GALNTL6: variants seen among roughly 807,000 people sequenced by gnomAD.
GALNTL6 encodes the protein polypeptide N-acetylgalactosaminyltransferase like 6, also known as polypeptide N-acetylgalactosaminyltransferase-like 6.
In GALNTL6, 46 loss-of-function variants were observed where a neutral mutation model predicts 73.7. That is an observed-to-expected ratio of 0.62 (90% confidence interval 0.49 to 0.80). GALNTL6 has a LOEUF of 0.80. Ranked by LOEUF, GALNTL6 falls within the 30% of genes least tolerant of loss-of-function variation. GALNTL6 has a pLI of 0.00. For synonymous variants in GALNTL6, 259 were observed against 263.7 expected (o/e 0.98, Z 0.17); for missense variants, 604 against 755.0 (o/e 0.80, Z 2.34).
At chr4:172,237,296 C>T (rs546061318) in intron 3 of GALNTL6, among the ~76,000 whole-genome samples, 1 of 152,290 alleles carries the variant, frequency 6.6e-6, no homozygotes, top group Admixed American at 6.5e-5. Flanking sequence ...TCCAAAATTC[C>T]ACAATGGCTG....
chr4:172,846,275 G>C (rs988991104), intron 7 of GALNTL6, among the ~76,000 whole-genome samples: 2 of 152,068 alleles, frequency 1.3e-5, no homozygotes, highest in African/African-American at 4.8e-5. Flanking sequence ...TAAAACTTTA[G>C]GAGGAACATG....
chr4:172,891,303 G>A (rs138996201), intron 8 of GALNTL6, among the ~76,000 whole-genome samples: 1,901 of 152,140 alleles, frequency 0.012, 16 homozygotes, highest in Middle Eastern at 0.061. Context: ...ATCTGGTATC[G>A]ATTTTTCATT....
intron 2 of GALNTL6, among the ~76,000 whole-genome samples, chr4:171,920,078 T>TA (rs776430473): frequency 6.6e-6 from 1 of 151,858 alleles, no homozygotes; most frequent in Non-Finnish European, 1.5e-5. Flanking sequence ...TATGCAGCCA[T>TA]AAAAAATGAT....
intron 2 of GALNTL6, among the ~76,000 whole-genome samples, chr4:172,053,242 G>C (rs1292037087): frequency 2.0e-5 from 3 of 152,034 alleles, no homozygotes; most frequent in Admixed American, 6.6e-5. Flanking sequence ...TATGTGAAAA[G>C]CTTTTTGAGG....
At chr4:172,238,228 A>T (rs540575838) in intron 3 of GALNTL6, among the ~76,000 whole-genome samples, 17 of 152,298 alleles carry the variant, frequency 1.1e-4, no homozygotes, top group Admixed American at 1.1e-3. Flanking sequence ...CTGCCTATTC[A>T]TGAGCATGGA....
At chr4:171,942,893 T>G (rs1738594136) in intron 2 of GALNTL6, among the ~76,000 whole-genome samples, 1 of 152,214 alleles carries the variant, frequency 6.6e-6, no homozygotes, top group African/African-American at 2.4e-5. Flanking sequence ...GTAATACAAC[T>G]GAGGCTCAAT....
intron 7 of GALNTL6, among the ~76,000 whole-genome samples, chr4:172,815,098 A>C (rs1741525733): frequency 6.6e-6 from 1 of 152,164 alleles, no homozygotes; most frequent in Non-Finnish European, 1.5e-5. Context: ...TGTTCTTCAG[A>C]CTTCTCTGAA....
intron 5 of GALNTL6, among the ~76,000 whole-genome samples, chr4:172,391,193 T>C (rs1364405369): frequency 6.6e-6 from 1 of 152,186 alleles, no homozygotes; most frequent in East Asian, 1.9e-4. Flanking sequence ...TTTCTCACAG[T>C]TCTGCTCTCT....
intron 2 of GALNTL6, among the ~76,000 whole-genome samples, chr4:172,072,736 T>C (rs1731581308): frequency 6.6e-6 from 1 of 152,158 alleles, no homozygotes; most frequent in African/African-American, 2.4e-5. Context: ...TTTCATACTT[T>C]AGCAAATCTC....
intron 2 of GALNTL6, among the ~76,000 whole-genome samples, chr4:172,116,942 A>T (rs547755051): frequency 2.6e-5 from 4 of 152,244 alleles, no homozygotes; most frequent in South Asian, 2.1e-4. Context: ...TTTTTAAAAA[A>T]TTTTCCAGTG....
At chr4:172,634,228 C>G (rs1344669629) in intron 5 of GALNTL6, among the ~76,000 whole-genome samples, 4 of 152,136 alleles carry the variant, frequency 2.6e-5, no homozygotes, top group Non-Finnish European at 5.9e-5. Context: ...AGTGTTTTCT[C>G]TCCAGTCCAT....
intron 2 of GALNTL6, among the ~76,000 whole-genome samples, chr4:171,882,863 T>C (rs1578938024): frequency 6.6e-6 from 1 of 152,312 alleles, no homozygotes; most frequent in East Asian, 1.9e-4. Flanking sequence ...ATGTTTCGGG[T>C]AGTTAGTCCG....
At chr4:172,887,898 C>T (rs967253929) in intron 8 of GALNTL6, among the ~76,000 whole-genome samples, 5 of 151,944 alleles carry the variant, frequency 3.3e-5, no homozygotes, top group Non-Finnish European at 7.4e-5. Context: ...CAATTCTGAC[C>T]GGTGTGAGAT....
chr4:171,849,785 A>G (rs901774269), intron 2 of GALNTL6, among the ~76,000 whole-genome samples: 5 of 152,204 alleles, frequency 3.3e-5, no homozygotes, highest in African/African-American at 1.2e-4. Context: ...GCCTCTGGCA[A>G]AGACCAGAAA....
chr4:172,491,215 T>C (rs1733881259), intron 5 of GALNTL6, among the ~76,000 whole-genome samples: 1 of 152,138 alleles, frequency 6.6e-6, no homozygotes, highest in Non-Finnish European at 1.5e-5. Flanking sequence ...ATAATCATCA[T>C]TTAATTCAAA....
chr4:172,276,529 C>T (rs1234401878), intron 3 of GALNTL6, among the ~76,000 whole-genome samples: 1 of 152,198 alleles, frequency 6.6e-6, no homozygotes, highest in African/African-American at 2.4e-5. Flanking sequence ...AAAAATTGCT[C>T]AACCTGCATG....
chr4:172,656,145 G>A (rs1352179853), intron 5 of GALNTL6, among the ~76,000 whole-genome samples: 1 of 152,172 alleles, frequency 6.6e-6, no homozygotes, highest in African/African-American at 2.4e-5. Context: ...CACGTGGCAA[G>A]GAGACAGGAG....
At chr4:172,600,240 C>A (rs2034794) in intron 5 of GALNTL6, among the ~76,000 whole-genome samples, 4,649 of 151,836 alleles carry the variant, frequency 0.031, 109 homozygotes, top group South Asian at 0.086. Flanking sequence ...CATTGGAAAC[C>A]AAAACCTAGA....
chr4:172,201,079 G>A (rs1735935068), intron 2 of GALNTL6, among the ~76,000 whole-genome samples: 2 of 151,568 alleles, frequency 1.3e-5, no homozygotes, highest in South Asian at 4.2e-4. Context: ...GATACATAAG[G>A]AAAAAACTCT....
Sources: gnomAD v4.1 joint callset for allele counts (sites outside exome capture counted in the v4.1 genomes callset) on GRCh38, gnomAD v4.1.1 for gene constraint, MANE v1.5 for transcripts, NCBI Gene and HGNC (gene_info 2026-07-23, HGNC 2026-07-21) for gene names.